FMN2: variants seen among roughly 807,000 people sequenced by gnomAD.
FMN2 encodes the protein formin-2.
A neutral mutation model predicts 142.3 loss-of-function variants in FMN2; 51 were observed. The ratio of observed to expected loss-of-function variants is 0.36; its 90% CI spans 0.29 to 0.45. The LOEUF (loss-of-function observed/expected upper bound fraction) is 0.45. FMN2 is among the 20% of genes least tolerant of loss of function. The pLI, the probability that FMN2 is intolerant of heterozygous loss-of-function variation, is 1.00. For synonymous variants in FMN2, 882 were observed against 869.8 expected, an observed-to-expected ratio of 1.01 and a Z score of -0.25; for missense variants, 1,936 against 2,122.8, an observed-to-expected ratio of 0.91 and a Z score of 1.73.
chr1:240,254,452 G>A (rs1668383925), intron 6 of FMN2, among the ~76,000 whole-genome samples: 1 of 152,058 alleles, frequency 6.6e-6, no homozygotes, highest in Non-Finnish European at 1.5e-5. Context: ...TGGGGGAGTG[G>A]GATGGGTTTT....
intron 8 of FMN2, among the ~76,000 whole-genome samples, chr1:240,295,628 T>C (rs368392924): frequency 9.6e-4 from 147 of 152,350 alleles, no homozygotes; most frequent in African/African-American, 3.2e-3. Context: ...TAATATTCCA[T>C]GGTGTATATG....
At chr1:240,352,221 C>G (rs947667931) in intron 13 of FMN2, among the ~76,000 whole-genome samples, 2 of 152,170 alleles carry the variant, frequency 1.3e-5, no homozygotes, top group Non-Finnish European at 2.9e-5. Flanking sequence ...TTTGTCAGTT[C>G]TGTTCGTGGC....
chr1:240,200,386 G>C (rs1207438613), intron 4 of FMN2, among the ~76,000 whole-genome samples: 6 of 152,196 alleles, frequency 3.9e-5, no homozygotes, highest in Non-Finnish European at 8.8e-5. Flanking sequence ...AAGCAATGGA[G>C]CTTTCTCTAG....
intron 14 of FMN2, among the ~76,000 whole-genome samples, chr1:240,378,175 G>A (rs974661584): frequency 1.3e-5 from 2 of 150,520 alleles, no homozygotes; most frequent in Non-Finnish European, 3.0e-5. Flanking sequence ...TTTTAGACAG[G>A]GTTTCACTCT....
intron 2 of FMN2, among the ~76,000 whole-genome samples, chr1:240,169,488 C>T (rs893026597): frequency 3.2e-4 from 49 of 152,098 alleles, no homozygotes; most frequent in Non-Finnish European, 8.8e-5. Context: ...GTTTTTGAGA[C>T]GGTTTCACTG....
chr1:240,434,014 A>G (rs1217043526), intron 15 of FMN2, among the ~76,000 whole-genome samples: 1 of 152,194 alleles, frequency 6.6e-6, no homozygotes, highest in East Asian at 1.9e-4. Context: ...TCCATTGCAG[A>G]GAAGTATATT....
At position 240,092,915 on chromosome 1, in the gene FMN2, C is replaced by A. The variant is rs759794039; in HGVS notation, c.806C>A (p.Thr269Asn). Residue 269 changes from threonine to asparagine, a missense_variant, in exon 1 of 18, where the codon ACC (threonine) becomes AAC (asparagine). This residue lies in a region of FMN2 where 751 missense variants were observed against 791.8 expected (regional missense o/e 0.95). Transcript: ENST00000319653. ...GAGEAPGSPD[T>N]EQALSALSDL... Reference sequence around the variant, plus strand: ...GGGGAGGCCCCGGGCAGTCCGGACACCGAGCAGGCGCTGTCCGCGCTCTCC... The same window carrying A: ...GGGGAGGCCCCGGGCAGTCCGGACAACGAGCAGGCGCTGTCCGCGCTCTCC... 1.8e-5 allele frequency: 27 copies of A among 1,488,966 alleles called. 1 individual carries two copies. In the Middle Eastern group the frequency reaches 7.2e-4, roughly 40 times the overall value. 92.2% of individuals were successfully genotyped at this position (1,488,966 alleles called of 1,614,324 possible). A position where few individuals can be genotyped will look rare whatever the true frequency, so the allele number is the denominator to read the frequency against.
intron 13 of FMN2, among the ~76,000 whole-genome samples, chr1:240,347,338 C>T (rs1479467282): frequency 6.6e-6 from 1 of 152,108 alleles, no homozygotes; most frequent in African/African-American, 2.4e-5. Flanking sequence ...CATCTGAAAC[C>T]TAGTGAGTTC....
At chr1:240,114,607 A>G (rs1661946915) in intron 1 of FMN2, among the ~76,000 whole-genome samples, 1 of 149,246 alleles carries the variant, frequency 6.7e-6, no homozygotes, top group Non-Finnish European at 1.5e-5. Context: ...AAGTGAACCC[A>G]TTATTTCATT....
intron 2 of FMN2, among the ~76,000 whole-genome samples, chr1:240,163,782 CT>C (rs1187372623): frequency 1.3e-5 from 2 of 151,972 alleles, no homozygotes; most frequent in East Asian, 3.9e-4. Context: ...CCTTTTGTGT[CT>C]TTTGGATTTA....
chr1:240,131,928 C>A (rs1224984112), intron 2 of FMN2, among the ~76,000 whole-genome samples: 1 of 152,088 alleles, frequency 6.6e-6, no homozygotes, highest in East Asian at 1.9e-4. Context: ...ACTGTGGTGG[C>A]AGATTGGAGA....
At chr1:240,302,154 A>G in intron 8 of FMN2, among the ~76,000 whole-genome samples, 1 of 151,902 alleles carries the variant, frequency 6.6e-6, no homozygotes, top group East Asian at 1.9e-4. Context: ...AAATGAAAAC[A>G]TTTTATTTCT....
intron 15 of FMN2, among the ~76,000 whole-genome samples, chr1:240,408,778 A>G (rs777287617): frequency 1.2e-4 from 18 of 152,178 alleles, no homozygotes; most frequent in Non-Finnish European, 2.1e-4. Context: ...ATTAGTTTAC[A>G]CGAAAAAAAC....
At chr1:240,124,400 T>TC (rs1430291170) in intron 2 of FMN2, among the ~76,000 whole-genome samples, 1 of 152,152 alleles carries the variant, frequency 6.6e-6, no homozygotes, top group Non-Finnish European at 1.5e-5. Context: ...CATCCCCAGC[T>TC]CCCATTCACC....
intron 16 of FMN2, among the ~76,000 whole-genome samples, chr1:240,449,451 A>G (rs1675930982): frequency 6.6e-6 from 1 of 152,196 alleles, no homozygotes; most frequent in African/African-American, 2.4e-5. Context: ...GCCCGTGGAA[A>G]GGAAACTTTT....
intron 6 of FMN2, among the ~76,000 whole-genome samples, chr1:240,248,140 C>T (rs1434651257): frequency 3.9e-5 from 6 of 152,066 alleles, no homozygotes; most frequent in African/African-American, 1.4e-4. Context: ...TTTTGTTCTA[C>T]TTTCTACCTC....
At chr1:240,440,175 A>C (rs1043083505) in intron 16 of FMN2, among the ~76,000 whole-genome samples, 1 of 152,256 alleles carries the variant, frequency 6.6e-6, no homozygotes, top group East Asian at 1.9e-4. Flanking sequence ...GTCCCAGGCC[A>C]GGATGCTGGA....
intron 16 of FMN2, among the ~76,000 whole-genome samples, chr1:240,450,619 A>T (rs1190317081): frequency 6.6e-6 from 1 of 152,226 alleles, no homozygotes; most frequent in African/African-American, 2.4e-5. Context: ...TAGGGCCAGC[A>T]GTGAGGCTGG....
rs1050742814 is a variant in FMN2 at position 240,325,225 on chromosome 1, C to T, written c.4216-3851C>T. 2.0e-5 allele frequency among the ~76,000 whole-genome samples: 3 copies of T among 151,568 alleles called. No individual in the cohort carries two copies. In the South Asian group the frequency reaches 6.3e-4, roughly 32 times the overall value. On this transcript the variant is annotated intron_variant, in intron 8 of 17. Transcript: ENST00000319653. ...AAACAAAACTTAGCTGGAGGGTAGT[C>T]CCAACTTCTTGAGAGGCTGAGGTGG... is the stretch of plus-strand genomic sequence containing the variant.
Sources: allele counts gnomAD v4.1 joint callset (sites outside exome capture counted in the v4.1 genomes callset), GRCh38; gene constraint gnomAD v4.1.1; regional missense constraint gnomAD v4.1.1; transcripts MANE v1.5; gene names NCBI Gene and HGNC (gene_info 2026-07-23, HGNC 2026-07-21).